DLEC1: variants seen among roughly 807,000 people sequenced by gnomAD.
The protein encoded by DLEC1 is deleted in lung and esophageal cancer protein 1.
A neutral mutation model predicts 198.1 loss-of-function variants in DLEC1; 146 were observed. That is an observed-to-expected ratio of 0.74 (90% confidence interval 0.64 to 0.85). The LOEUF (loss-of-function observed/expected upper bound fraction) is 0.85, where lower values mean the gene tolerates loss of function less well. Ranked by LOEUF, DLEC1 falls within the 40% of genes least tolerant of loss-of-function variation. The pLI is 0.00. For missense variants in DLEC1, 2,233 were observed against 2,220.0 expected, an observed-to-expected ratio of 1.01 and a Z score of -0.12; for synonymous variants, 897 against 866.8, an observed-to-expected ratio of 1.03 and a Z score of -0.61.
At chr3:38,088,245 C>G (rs1430040391) in intron 9 of DLEC1, 51 bp from the exon 10 acceptor site, 5 of 1,521,826 alleles carry the variant, frequency 3.3e-6, no homozygotes, top group East Asian at 2.3e-5. Context: ...AATCTGAATA[C>G]TGGCTTTTAC....
rs575605113 is a variant in DLEC1, at chr3:38,113,548, G to A, written c.3667-794G>A. 1.6e-4 allele frequency among the ~76,000 whole-genome samples: 23 copies of A among 144,132 alleles called. No individual in the cohort carries two copies. The East Asian group carries it at 4.8e-3, about 30-fold the overall frequency. 94.6% of individuals were successfully genotyped at this position (144,132 alleles called of 152,430 possible). On this transcript the variant is annotated intron_variant, in intron 25 of 36. Transcript: ENST00000308059. Reference sequence around the variant, plus strand: ...TCTACAAAAAATACAAAAATTAGCTGGGCGTGATGGCATATGTCTCTGGTC... The same window carrying A: ...TCTACAAAAAATACAAAAATTAGCTAGGCGTGATGGCATATGTCTCTGGTC...
intron 23 of DLEC1, 28 bp downstream of exon 23, chr3:38,110,309 G>A (rs1370849469): frequency 6.2e-7 from 1 of 1,612,792 alleles, no homozygotes; most frequent in Non-Finnish European, 8.5e-7. Flanking sequence ...CACTTCCCAG[G>A]GCAGATGAAG....
At chr3:38,065,356 A>T (rs1696970536) in intron 6 of DLEC1, among the ~76,000 whole-genome samples, 1 of 147,950 alleles carries the variant, frequency 6.8e-6, no homozygotes, top group South Asian at 2.1e-4. Context: ...GAGGAGAGGG[A>T]GACTGTGCAG....
At chr3:38,061,382 T>C (rs903194697) in intron 3 of DLEC1, among the ~76,000 whole-genome samples, 1 of 152,014 alleles carries the variant, frequency 6.6e-6, no homozygotes, top group Non-Finnish European at 1.5e-5. Flanking sequence ...GGTTTCACCA[T>C]GTTGGCCAGG....
rs920767379 is a variant in DLEC1 at position 38,092,880 on chromosome 3, G to T, written c.1756G>T (p.Gly586Ter). The T allele has an allele frequency of 6.2e-7, 1 of 1,614,200 alleles. No individual in the cohort carries two copies. The highest frequency in any genetic ancestry group is 1.3e-5 in the African/African-American group (1 of 75,044). Residue 586 changes from glycine (G) to a stop codon, truncating the protein, a stop_gained and splice_region_variant, in exon 11 of 37, where the codon GGA (glycine) becomes TGA (stop). Transcript: ENST00000308059. LOFTEE classifies it high-confidence loss of function. ...CCAGATAAAGGAGCTGGTGACCATA[G>T]GTGGGCTTGAGTGTACTCCCAGGGG... ...NCQIKELVTI[G>*]IGQLIALDLI...
intron 19 of DLEC1, among the ~76,000 whole-genome samples, chr3:38,101,692 C>T (rs1252298125): frequency 6.6e-6 from 1 of 152,154 alleles, no homozygotes; most frequent in Admixed American, 6.5e-5. Flanking sequence ...CCCACACTTT[C>T]ACCATGACAA....
intron 6 of DLEC1, among the ~76,000 whole-genome samples, chr3:38,083,878 C>A (rs1258790622): frequency 6.6e-6 from 1 of 151,952 alleles, no homozygotes; most frequent in Non-Finnish European, 1.5e-5. Flanking sequence ...GATCCGCCTG[C>A]CCCAGCCTCC....
chr3:38,088,958 GC>G (rs1165046703), intron 10 of DLEC1, among the ~76,000 whole-genome samples: 1 of 152,082 alleles, frequency 6.6e-6, no homozygotes, highest in Non-Finnish European at 1.5e-5. Context: ...CCCCAGAGGT[GC>G]CCATGAGAAA....
At chr3:38,110,326 G>A (rs1298947031) in intron 23 of DLEC1, 45 bp downstream of exon 23, 2 of 1,608,344 alleles carry the variant, frequency 1.2e-6, no homozygotes, top group Middle Eastern at 1.6e-4. Flanking sequence ...GAAGCTGGAT[G>A]GGGTGTACCC....
intron 6 of DLEC1, among the ~76,000 whole-genome samples, chr3:38,075,760 G>C (rs182915871): frequency 1.3e-3 from 198 of 152,208 alleles, no homozygotes; most frequent in African/African-American, 4.6e-3. Context: ...TAAGGGATTG[G>C]GGGTTCTTGC....
In DLEC1 at chr3:38,107,727, A is replaced by G; in HGVS notation, c.3008A>G (p.His1003Arg). Reference sequence around the variant, plus strand: ...GGCACGCTCCTGCCTACCCAGTTCCACTGGGGCAAGGTGAGTGAGCCCACA... The same window carrying G: ...GGCACGCTCCTGCCTACCCAGTTCCGCTGGGGCAAGGTGAGTGAGCCCACA... ...INGTLLPTQF[H>R]WGKLLGHQAE... is the part of the protein sequence containing the mutation. The change falls in exon 20 of 37, where the codon CAC becomes CGC. Residue 1003 changes from histidine (H) to arginine (R), a missense_variant. Transcript: ENST00000308059. The G allele has an allele frequency of 6.2e-7, 1 of 1,613,718 alleles. No homozygotes were observed. Among genetic ancestry groups the G allele is most frequent in the Non-Finnish European group, 8.5e-7 (1 of 1,179,860 alleles).
intron 8 of DLEC1, among the ~76,000 whole-genome samples, chr3:38,085,790 G>A (rs1698423050): frequency 6.6e-6 from 1 of 152,174 alleles, no homozygotes; most frequent in South Asian, 2.1e-4. Flanking sequence ...GCACCCTGAG[G>A]AGTCCTAACA....
At chr3:38,116,371 CTG>C in intron 27 of DLEC1, 80 bp from the exon 28 acceptor site, 1 of 1,375,164 alleles carries the variant, frequency 7.3e-7, no homozygotes, top group Non-Finnish European at 1.0e-6. Context: ...TCATCTCTGT[CTG>C]GGGGTATGAG....
intron 6 of DLEC1, among the ~76,000 whole-genome samples, chr3:38,080,320 G>GCGAGGAACAACC: frequency 2.0e-5 from 3 of 152,234 alleles, no homozygotes; most frequent in Admixed American, 6.5e-5. Context: ...GCTTGGCCTG[G>GCGAGGAACAACC]TGAGGAGGGG....
chr3:38,083,507 T>C (rs966660350), intron 6 of DLEC1, among the ~76,000 whole-genome samples: 4 of 152,222 alleles, frequency 2.6e-5, no homozygotes, highest in Non-Finnish European at 5.9e-5. Flanking sequence ...TGTCATCAGT[T>C]AAGGCAAGGA....
chr3:38,122,996 C>CT lies in DLEC1; in HGVS notation c.*585dup. 1 of 1,590,974 alleles carries CT rather than the reference C, an allele frequency of 6.3e-7. No homozygotes were observed. Among genetic ancestry groups the CT allele is most frequent in the East Asian group, 2.2e-5 (1 of 44,710 alleles). On this transcript the variant is annotated 3_prime_UTR_variant, in exon 37 of 37. Coordinates refer to ENST00000308059, the MANE Select transcript of DLEC1 (RefSeq NM_007335.4). ...TTGCTTTTGTGGTGTTACTGCCTTG[C>CT]TGCTAGAGCAGCAGGACTGTCTGCG...
rs996548773 is a variant in DLEC1, at chr3:38,080,968, C to G, written c.1174-3190C>G. On this transcript the variant is annotated intron_variant, in intron 6 of 36. Transcript: ENST00000308059. ...CTAGGCAGAGGACCCTGCGGCCTTC[C>G]GCAGTGTTTGTGTCCCTGATTACTT... 1.1e-3 allele frequency among the ~76,000 whole-genome samples: 155 copies of G among 134,934 alleles called. 3 individuals are homozygous for G. The highest frequency in any genetic ancestry group is 3.4e-3 in the African/African-American group (119 of 35,346). The allele number at this position is 134,934 out of a possible 152,430, so 88.5% of individuals were successfully genotyped here. A position where few individuals can be genotyped will look rare whatever the true frequency, so the allele number is the denominator to read the frequency against.
At chr3:38,053,136 G>A (rs1008389361) in intron 2 of DLEC1, among the ~76,000 whole-genome samples, 40 of 148,692 alleles carry the variant, frequency 2.7e-4, no homozygotes, top group Non-Finnish European at 5.1e-4. Context: ...ATCTCGGCTC[G>A]CTACAACCTC....
chr3:38,066,479 A>G (rs1029110947), intron 6 of DLEC1, among the ~76,000 whole-genome samples: 2 of 152,190 alleles, frequency 1.3e-5, no homozygotes, highest in African/African-American at 4.8e-5. Context: ...GCAAATATGT[A>G]TATATAGTTG....
Sources: allele counts gnomAD v4.1 joint callset (sites outside exome capture counted in the v4.1 genomes callset), GRCh38; gene constraint gnomAD v4.1.1; transcripts MANE v1.5; gene names NCBI Gene and HGNC (gene_info 2026-07-23, HGNC 2026-07-21).